The following SOX6 variants were observed in gnomAD, a reference collection of about 807,000 sequenced individuals.
SOX6 encodes transcription factor SOX-6.
A neutral mutation model predicts 97.8 loss-of-function variants in SOX6; 11 were observed. The ratio of observed to expected loss-of-function variants is 0.11; its 90% CI spans 0.07 to 0.19. The LOEUF is 0.19. Ranked by LOEUF, SOX6 falls within the 10% of genes least tolerant of loss-of-function variation. The probability of loss-of-function intolerance (pLI) is 1.00; values close to 1 mark genes in which losing one functional copy is unlikely to be tolerated. For synonymous variants in SOX6, 360 were observed against 371.4 expected, an observed-to-expected ratio of 0.97 and a Z score of 0.35; for missense variants, 810 against 1,039.5, an observed-to-expected ratio of 0.78 and a Z score of 3.04.
At chr11:16,618,739 T>C (rs1848502417) in intron 3 of SOX6, among the ~76,000 whole-genome samples, 2 of 152,012 alleles carry the variant, frequency 1.3e-5, no homozygotes, top group Admixed American at 1.3e-4. Flanking sequence ...GGCTTAGTTA[T>C]TGTTAATAGT....
In SOX6 at chr11:16,055,788, A is replaced by G; in HGVS notation, c.1215T>C (p.Asn405=). The change falls in exon 10 of 16, where the codon AAT becomes AAC. Residue 405 remains asparagine (N), a synonymous_variant. Transcript: ENST00000683767. ...TTACAGGGCTGGTCCCTCTCTTTTC[A>G]TTTTTTATCCCAGTAGGTGAGACCG... ...AGTVSPTGIK[N]EKRGTSPVTQ... is the part of the protein sequence containing the mutation. 6.2e-7 allele frequency: 1 copy of G among 1,613,486 alleles called. No individual in the cohort carries two copies. The highest frequency in any genetic ancestry group is 8.5e-7 in the Non-Finnish European group (1 of 1,179,764).
In SOX6 at chr11:16,560,507, G is replaced by A. The variant is rs991596192; in HGVS notation, n.609+51574C>T. ...TTTATACGTACATATATGTTTATACGTACATATATGTTTATACGTACATAT... is the reference window on the plus strand; with the variant it reads ...TTTATACGTACATATATGTTTATACATACATATATGTTTATACGTACATAT... On this transcript the variant is annotated intron_variant and non_coding_transcript_variant, in intron 4 of 5. Coordinates refer to the SOX6 transcript ENST00000524520. 4.1e-4 allele frequency among the ~76,000 whole-genome samples: 56 copies of A among 136,726 alleles called. 4 individuals carry two copies. Among genetic ancestry groups the A allele is most frequent in the African/African-American group, 1.4e-3 (54 of 37,376 alleles). The allele number at this position is 136,726 out of a possible 152,430, so 89.7% of individuals were successfully genotyped here. A position where few individuals can be genotyped will look rare whatever the true frequency, so the allele number is the denominator to read the frequency against.
At chr11:16,132,485 A>AAGC (rs1849838161) in intron 6 of SOX6, among the ~76,000 whole-genome samples, 1 of 139,010 alleles carries the variant, frequency 7.2e-6, no homozygotes, top group African/African-American at 2.8e-5. Context: ...AGAAAGAAAG[A>AAGC]AAGAAAGAAA....
chr11:16,624,184 T>TTTTATTTATGTATTTATTTA (rs1848589737), intron 3 of SOX6, among the ~76,000 whole-genome samples: 8 of 147,232 alleles, frequency 5.4e-5, no homozygotes. Flanking sequence ...TATTTTTTTA[T>TTTTATTTATGTATTTATTTA]TTTATTTATT....
chr11:16,571,120 C>G (rs1847933718), intron 4 of SOX6, among the ~76,000 whole-genome samples: 1 of 152,274 alleles, frequency 6.6e-6, no homozygotes, highest in South Asian at 2.1e-4. Context: ...TGGGCTGTTG[C>G]TTCTACTGAA....
chr11:16,518,594 T>C (rs1406063316), intron 4 of SOX6, among the ~76,000 whole-genome samples: 1 of 152,174 alleles, frequency 6.6e-6, no homozygotes, highest in Non-Finnish European at 1.5e-5. Flanking sequence ...AGCTCTGTAA[T>C]ATGTCTACTG....
chr11:16,419,835 G>T (rs572583510), intron 1 of SOX6, among the ~76,000 whole-genome samples: 1 of 152,082 alleles, frequency 6.6e-6, no homozygotes, highest in South Asian at 2.1e-4. Context: ...TCAACATAAG[G>T]CTCCCTGTAC....
chr11:16,516,033 T>C (rs1442206475), intron 4 of SOX6, among the ~76,000 whole-genome samples: 3 of 151,832 alleles, frequency 2.0e-5, no homozygotes, highest in Non-Finnish European at 2.9e-5. Flanking sequence ...CAATGCGGGC[T>C]CTTTTTTGGT....
At chr11:16,233,944 T>C (rs776285577) in intron 4 of SOX6, among the ~76,000 whole-genome samples, 2 of 149,832 alleles carry the variant, frequency 1.3e-5, no homozygotes, top group Non-Finnish European at 3.0e-5. Context: ...GAGGCAGAGG[T>C]TGCAGTGAGC....
intron 2 of SOX6, among the ~76,000 whole-genome samples, chr11:16,337,837 A>C (rs1032155871): frequency 3.9e-5 from 6 of 152,088 alleles, no homozygotes; most frequent in East Asian, 1.9e-4. Context: ...ATGCCATTAC[A>C]AATTATTTTT....
At chr11:16,717,378 T>TA (rs753018346) in intron 2 of SOX6, among the ~76,000 whole-genome samples, 38 of 152,116 alleles carry the variant, frequency 2.5e-4, no homozygotes, top group Non-Finnish European at 5.4e-4. Flanking sequence ...TTCAGAGAGT[T>TA]AGACTCCATT....
At chr11:16,258,676 T>C (rs577183201) in intron 3 of SOX6, among the ~76,000 whole-genome samples, 1 of 151,970 alleles carries the variant, frequency 6.6e-6, no homozygotes, top group African/African-American at 2.4e-5. Flanking sequence ...CTATAGAATG[T>C]ACACCACCAA....
At chr11:16,406,699 G>T (rs1858693777) in intron 1 of SOX6, among the ~76,000 whole-genome samples, 1 of 152,176 alleles carries the variant, frequency 6.6e-6, no homozygotes, top group Non-Finnish European at 1.5e-5. Flanking sequence ...GCACTGAAAA[G>T]TTTTATGGCA....
At chr11:16,217,468 T>C (rs1018670657) in intron 4 of SOX6, among the ~76,000 whole-genome samples, 22 of 152,180 alleles carry the variant, frequency 1.4e-4, no homozygotes, top group Admixed American at 1.0e-3. Context: ...TATATCTCAA[T>C]GTACTTCTAA....
At position 16,262,952 on chromosome 11, in the gene SOX6, T is replaced by C. The variant is rs1271681413; in HGVS notation, c.446-28281A>G. Among the ~76,000 whole-genome samples, 5 of 152,108 alleles carry C rather than the reference T, an allele frequency of 3.3e-5. No individual in the cohort carries two copies. The East Asian group carries it at 7.7e-4, about 24-fold the overall frequency. ...ATTTCAATTAGTTGCTAAATCTTTA[T>C]TTAATATCTACTCTATTCTCAAACA... On this transcript the variant is annotated intron_variant, in intron 3 of 15. Coordinates refer to ENST00000683767, the MANE Select transcript of SOX6 (RefSeq NM_001367873.1).
chr11:16,001,666 G>A (rs982153516), intron 13 of SOX6, among the ~76,000 whole-genome samples: 8 of 152,130 alleles, frequency 5.3e-5, no homozygotes, highest in Non-Finnish European at 2.9e-5. Flanking sequence ...CCCATGACCA[G>A]TTATGAAGTT....
intron 15 of SOX6, 79 bp from the exon 16 acceptor site, chr11:15,973,191 C>A (rs1853370177): frequency 8.0e-6 from 11 of 1,378,852 alleles, no homozygotes; most frequent in African/African-American, 1.4e-5. Flanking sequence ...GAATTCACAC[C>A]CTACACTTTC....
intron 6 of SOX6, among the ~76,000 whole-genome samples, chr11:16,142,498 C>T (rs953347560): frequency 6.6e-6 from 1 of 152,122 alleles, no homozygotes; most frequent in Admixed American, 6.6e-5. Context: ...CAAAGCTGGA[C>T]AGAGAATGAC....
chr11:16,472,453 A>G lies in SOX6; in HGVS notation c.-5+3862T>C, dbSNP rs375162075. 7.4e-4 allele frequency among the ~76,000 whole-genome samples: 113 copies of G among 152,274 alleles called. 1 individual carries two copies. In the Middle Eastern group the frequency reaches 0.024, roughly 32 times the overall value. Reference sequence around the variant, plus strand: ...AAAGATACTTTATATTTCTTTCTCCATCTTCTTTGCTTCCTAATCCTCACC... The same window carrying G: ...AAAGATACTTTATATTTCTTTCTCCGTCTTCTTTGCTTCCTAATCCTCACC... On this transcript the variant is annotated intron_variant, in intron 1 of 15. Coordinates refer to the SOX6 transcript ENST00000396356.
Sources: gnomAD v4.1 joint callset for allele counts (sites outside exome capture counted in the v4.1 genomes callset) on GRCh38, gnomAD v4.1.1 for gene constraint, MANE v1.5 for transcripts, NCBI Gene and HGNC (gene_info 2026-07-23, HGNC 2026-07-21) for gene names.